The following DYNC2I1 variants were observed in gnomAD, a reference collection of about 807,000 sequenced individuals.
DYNC2I1 encodes the protein cytoplasmic dynein 2 intermediate chain 1.
Under a neutral mutation model 133.4 loss-of-function variants are expected in DYNC2I1, and 89 were observed. The observed-to-expected ratio is 0.67, with a 90% CI of 0.56 to 0.80. The LOEUF (loss-of-function observed/expected upper bound fraction) is 0.80. Ranked by LOEUF, DYNC2I1 falls within the 30% of genes least tolerant of loss-of-function variation. DYNC2I1 has a pLI of 0.00. For synonymous variants in DYNC2I1, 504 were observed against 484.3 expected, an observed-to-expected ratio of 1.04 and a Z score of -0.54; for missense variants, 1,291 against 1,314.5, an observed-to-expected ratio of 0.98 and a Z score of 0.28.
rs575206676 is a variant in DYNC2I1, at chr7:158,920,326, G to C, written c.1921+1457G>C. 5.5e-5 allele frequency among the ~76,000 whole-genome samples: 6 copies of C among 108,748 alleles called. No homozygotes were observed. The East Asian group carries it at 1.8e-3, about 32-fold the overall frequency. 71.3% of individuals were successfully genotyped at this position (108,748 alleles called of 152,430 possible). A position where few individuals can be genotyped will look rare whatever the true frequency, so the allele number is the denominator to read the frequency against. ...AAGTGTGTGTGCATACTGCAGCGCCGGGCCTCCATCAGGGAACACATGAAG... is the reference window on the plus strand; with the variant it reads ...AAGTGTGTGTGCATACTGCAGCGCCCGGCCTCCATCAGGGAACACATGAAG... On this transcript the variant is annotated intron_variant, in intron 15 of 24. Coordinates refer to ENST00000407559, the MANE Select transcript of DYNC2I1 (RefSeq NM_018051.5).
chr7:158,941,444 T>A (rs1851352016), intron 23 of DYNC2I1, among the ~76,000 whole-genome samples: 1 of 152,176 alleles, frequency 6.6e-6, no homozygotes, highest in Non-Finnish European at 1.5e-5. Flanking sequence ...GTCAGGTGAG[T>A]GCTCACCTTT....
the DYNC2I1 span, among the ~76,000 whole-genome samples, chr7:158,850,091 G>A: frequency 6.6e-6 from 1 of 152,242 alleles, no homozygotes; most frequent in Non-Finnish European, 1.5e-5. Flanking sequence ...AGTGGGAGTA[G>A]ACACCCCTGA....
At chr7:158,857,390 T>C (rs1415107941) in intron 1 of DYNC2I1, among the ~76,000 whole-genome samples, 1 of 152,200 alleles carries the variant, frequency 6.6e-6, no homozygotes, top group African/African-American at 2.4e-5. Context: ...ATTATTCTTA[T>C]CTATTGATTC....
chr7:158,898,710 T>C lies in DYNC2I1; in HGVS notation c.1060-3029T>C, dbSNP rs115798172. Among the ~76,000 whole-genome samples, 1,058 of 152,326 alleles carry C rather than the reference T, an allele frequency of 6.9e-3. 9 individuals are homozygous for C. Among genetic ancestry groups the C allele is most frequent in the African/African-American group, 0.024 (999 of 41,572 alleles). On this transcript the variant is annotated intron_variant, in intron 8 of 24. Coordinates refer to ENST00000407559, the MANE Select transcript of DYNC2I1 (RefSeq NM_018051.5). ...TTGATGTTCAAAGTAATTATTGATA[T>C]ATTGGATTAGTATCTGCCATATTTG...
chr7:158,862,994 T>C (rs1841997140), intron 1 of DYNC2I1, among the ~76,000 whole-genome samples: 1 of 151,386 alleles, frequency 6.6e-6, no homozygotes, highest in Admixed American at 6.6e-5. Context: ...TTGCAGTGAG[T>C]GTTACAGCTC....
At chr7:158,861,676 AC>A (rs1282734139) in intron 1 of DYNC2I1, among the ~76,000 whole-genome samples, 1 of 152,190 alleles carries the variant, frequency 6.6e-6, no homozygotes, top group Non-Finnish European at 1.5e-5. Flanking sequence ...ATACATGCAT[AC>A]CGAAAACACA....
intron 4 of DYNC2I1, among the ~76,000 whole-genome samples, chr7:158,878,812 G>A (rs1201047139): frequency 7.0e-6 from 1 of 143,492 alleles, no homozygotes; most frequent in Non-Finnish European, 1.5e-5. Flanking sequence ...CATGTGGGGA[G>A]GCCAGGAGGG....
chr7:158,868,331 C>T (rs890176934), intron 1 of DYNC2I1, among the ~76,000 whole-genome samples: 9 of 152,094 alleles, frequency 5.9e-5, no homozygotes, highest in African/African-American at 1.9e-4. Context: ...GGCTGGTGGT[C>T]GTGAGGCGCT....
intron 5 of DYNC2I1, among the ~76,000 whole-genome samples, chr7:158,883,826 G>A (rs868698771): frequency 3.5e-4 from 52 of 149,148 alleles, no homozygotes; most frequent in Non-Finnish European, 4.8e-4. Context: ...ACCACACCCG[G>A]CTAATTTTTT....
chr7:158,897,171 G>T (rs964194063), intron 8 of DYNC2I1, among the ~76,000 whole-genome samples: 1 of 151,728 alleles, frequency 6.6e-6, no homozygotes, highest in African/African-American at 2.4e-5. Flanking sequence ...TTTAGTAGAG[G>T]TGGAGTTTCA....
Position 158,926,303 on chromosome 7 carries a change from A to G in DYNC2I1, c.2371+3A>G. 6.2e-7 allele frequency: 1 copy of G among 1,609,444 alleles called. No homozygotes were observed. Among genetic ancestry groups the G allele is most frequent in the Non-Finnish European group, 8.5e-7 (1 of 1,177,590 alleles). Reference sequence around the variant, plus strand: ...TTCACCCTTTTCTACTCAAGAAGGTACGTGATTCTTCACTTTCTTAAAATC... The same window carrying G: ...TTCACCCTTTTCTACTCAAGAAGGTGCGTGATTCTTCACTTTCTTAAAATC... On this transcript the variant is annotated splice_donor_region_variant and intron_variant, in intron 18 of 24. Transcript: ENST00000407559.
rs374346842 is a variant in DYNC2I1, at chr7:158,918,768, G to T, written c.1820G>T (p.Arg607Leu). The change falls in exon 15 of 25, where the codon CGC becomes CTC. Residue 607 changes from arginine (R) to leucine (L), a missense_variant. Coordinates refer to ENST00000407559, the MANE Select transcript of DYNC2I1 (RefSeq NM_018051.5). ...ATGGCCGTTTTGCTGGAAGAGGATC[G>T]CTTGGCAGCTGAACCCAGCTGGAAT... ...QVMAVLLEEDRLAAEPSWNLR... is the reference protein window; with the variant it reads ...QVMAVLLEEDLLAAEPSWNLR... The T allele has an allele frequency of 6.8e-6, 11 of 1,613,670 alleles. No homozygotes were observed. In the Admixed American group the frequency reaches 1.3e-4, roughly 20 times the overall value.
At chr7:158,905,222 C>T (rs1412726912) in intron 10 of DYNC2I1, 1 of 367,020 alleles carries the variant, frequency 2.7e-6, no homozygotes, top group South Asian at 2.1e-5. Flanking sequence ...CTCACTGCAA[C>T]CTTCATTTCC....
chr7:158,923,491 C>T lies in DYNC2I1; in HGVS notation c.2095-80C>T, dbSNP rs571074126. 4.0e-5 allele frequency: 64 copies of T among 1,598,778 alleles called. 1 individual carries two copies. In the East Asian group the frequency reaches 1.4e-3, roughly 35 times the overall value. On this transcript the variant is annotated intron_variant, in intron 16 of 24. Transcript: ENST00000407559. ...GTGCAAAGTGAAACATGGTCAGACA[C>T]CCCACTCAGTAAATGCAGCTTGTGT...
chr7:158,946,919 C>G (rs1480875098), downstream of DYNC2I1, among the ~76,000 whole-genome samples: 1 of 152,214 alleles, frequency 6.6e-6, no homozygotes, highest in Non-Finnish European at 1.5e-5. Context: ...TGGGAGGGAC[C>G]CACCAGACCG....
At chr7:158,867,808 G>T (rs921431741) in intron 1 of DYNC2I1, among the ~76,000 whole-genome samples, 3 of 152,118 alleles carry the variant, frequency 2.0e-5, no homozygotes, top group Non-Finnish European at 4.4e-5. Flanking sequence ...CGCGGTGAGA[G>T]CAAGCGGGCA....
intron 7 of DYNC2I1, among the ~76,000 whole-genome samples, chr7:158,890,005 CA>C (rs35423707): frequency 0.029 from 2,001 of 67,968 alleles, 34 homozygotes; most frequent in African/African-American, 0.084. Flanking sequence ...GACTCCTTCT[CA>C]AAAAAAAAAA....
chr7:158,872,480 A>G (rs1443907960), intron 3 of DYNC2I1, among the ~76,000 whole-genome samples: 1 of 150,902 alleles, frequency 6.6e-6, no homozygotes, highest in African/African-American at 2.4e-5. Context: ...TAAAAATACA[A>G]AAAATTAAGC....
At chr7:158,914,344 G>T (rs780336995) in intron 14 of DYNC2I1, 23 bp downstream of exon 14, 2 of 1,582,998 alleles carry the variant, frequency 1.3e-6, no homozygotes, top group South Asian at 2.3e-5. Context: ...TATATATGTT[G>T]TGTTCTCTGT....
Sources: allele counts gnomAD v4.1 joint callset (sites outside exome capture counted in the v4.1 genomes callset), GRCh38; gene constraint gnomAD v4.1.1; transcripts MANE v1.5; gene names NCBI Gene and HGNC (gene_info 2026-07-23, HGNC 2026-07-21).